Variants in PARD3B observed in about 807,000 individuals in gnomAD.
PARD3B encodes par-3 family cell polarity regulator beta.
In PARD3B, 103 loss-of-function variants were observed where a neutral mutation model predicts 130.2. The ratio of observed to expected loss-of-function variants is 0.79; its 90% CI spans 0.67 to 0.93. PARD3B has a LOEUF of 0.93. PARD3B is among the 40% of genes least tolerant of loss of function. The pLI, the probability that PARD3B is intolerant of heterozygous loss-of-function variation, is 0.00. For missense variants in PARD3B, 1,609 were observed against 1,499.2 expected, an observed-to-expected ratio of 1.07 and a Z score of -1.21; for synonymous variants, 583 against 553.2, an observed-to-expected ratio of 1.05 and a Z score of -0.76.
chr2:204,587,600 C>T (rs760765036), intron 1 of PARD3B, among the ~76,000 whole-genome samples: 5 of 152,184 alleles, frequency 3.3e-5, no homozygotes, highest in African/African-American at 4.8e-5. Context: ...TGTAAAATCT[C>T]GAATTACTGA....
At position 205,552,367 on chromosome 2, in the gene PARD3B, T is replaced by TAAAGA. The variant is rs374261866; in HGVS notation, c.3181-954_3181-950dup. ...GTTGATTGTCAGCAACCCTTGTTAG[T>TAAAGA]AAAGAAAGGTTTTATAGAAAAGGTG... On this transcript the variant is annotated intron_variant, in intron 21 of 22. Coordinates refer to ENST00000406610, the MANE Select transcript of PARD3B (RefSeq NM_001302769.2). Among the ~76,000 whole-genome samples the TAAAGA allele has an allele frequency of 1.6e-3, 249 of 152,258 alleles. 3 individuals are homozygous for TAAAGA. Among genetic ancestry groups the TAAAGA allele is most frequent in the African/African-American group, 5.7e-3 (236 of 41,568 alleles).
intron 2 of PARD3B, among the ~76,000 whole-genome samples, chr2:204,774,259 T>A (rs991983916): frequency 2.0e-5 from 3 of 152,078 alleles, no homozygotes; most frequent in Non-Finnish European, 4.4e-5. Context: ...TGTATTTCTT[T>A]ACTGTCTTCC....
rs1197053337 is a variant in PARD3B, at chr2:205,292,947, T to C, written c.2186-7583T>C. On this transcript the variant is annotated intron_variant, in intron 16 of 22. Coordinates refer to ENST00000406610, the MANE Select transcript of PARD3B (RefSeq NM_001302769.2). This position sits in a 1 kb window ranked among gnomAD's most constrained non-coding sequence, Gnocchi z 5.3. ...TTGGCTTGACATTTTAACATTAGAT[T>C]GAAACCTTGCTTAAAGTGTATTTAT... 6.6e-6 allele frequency among the ~76,000 whole-genome samples: 1 copy of C among 152,202 alleles called. No individual in the cohort carries two copies. The highest frequency in any genetic ancestry group is 2.1e-4 in the South Asian group (1 of 4,834).
intron 16 of PARD3B, among the ~76,000 whole-genome samples, chr2:205,264,037 A>G (rs921795534): frequency 3.3e-5 from 5 of 151,040 alleles, no homozygotes; most frequent in African/African-American, 9.7e-5. Context: ...TTATATTTGT[A>G]AACAAGAGAC....
rs551863310 is a variant in PARD3B, at chr2:205,449,446, G to C, written c.3044+8774G>C. ...GGGTTTCATCGTGTTGGCCAGGCTG[G>C]TCTCGAACTCCTGACCTCAGGTGAT... On this transcript the variant is annotated intron_variant, in intron 20 of 22. Coordinates refer to ENST00000406610, the MANE Select transcript of PARD3B (RefSeq NM_001302769.2). Among the ~76,000 whole-genome samples the C allele has an allele frequency of 2.6e-5, 4 of 152,020 alleles. No homozygotes were observed. The East Asian group carries it at 5.9e-4, about 22-fold the overall frequency.
intron 4 of PARD3B, among the ~76,000 whole-genome samples, chr2:205,092,477 G>A (rs1387679711): frequency 6.6e-6 from 1 of 152,114 alleles, no homozygotes; most frequent in African/African-American, 2.4e-5. Flanking sequence ...GAGTTTCAGG[G>A]CATCCTAGGA....
chr2:204,888,912 A>G (rs1416101468), intron 2 of PARD3B, among the ~76,000 whole-genome samples: 1 of 152,132 alleles, frequency 6.6e-6, no homozygotes, highest in African/African-American at 2.4e-5. Context: ...AATTGTATAT[A>G]AGCTAAAGAA....
intron 15 of PARD3B, among the ~76,000 whole-genome samples, chr2:205,200,103 A>G (rs1436162298): frequency 6.6e-6 from 1 of 152,128 alleles, no homozygotes; most frequent in Admixed American, 6.6e-5. Flanking sequence ...GGTTATGTTG[A>G]TGTTTATAAA....
chr2:205,401,633 G>A (rs190285197), intron 19 of PARD3B, among the ~76,000 whole-genome samples: 11 of 152,238 alleles, frequency 7.2e-5, no homozygotes, highest in African/African-American at 2.4e-4. Flanking sequence ...TTAAAGGGCC[G>A]GCTTCATTTG....
intron 3 of PARD3B, among the ~76,000 whole-genome samples, chr2:205,010,031 C>G (rs1290171291): frequency 6.6e-6 from 1 of 152,066 alleles, no homozygotes; most frequent in Non-Finnish European, 1.5e-5. Context: ...GGTGCTCTCT[C>G]TCATATTTGA....
intron 11 of PARD3B, among the ~76,000 whole-genome samples, chr2:205,170,991 G>A (rs193180257): frequency 5.3e-4 from 80 of 152,208 alleles, no homozygotes; most frequent in East Asian, 3.1e-3. Context: ...ACTCACTTTC[G>A]TGGCCTGGAA....
rs201298629 is a variant in PARD3B, at chr2:204,641,446, C to CT, written c.121-44725dup. On this transcript the variant is annotated intron_variant, in intron 1 of 22. Coordinates refer to ENST00000406610, the MANE Select transcript of PARD3B (RefSeq NM_001302769.2). The stretch of plus-strand genomic sequence containing the variant: ...GTACTTATGTTGAAAAGTACTTGGT[C>CT]TTTTTTTTTTAATCCTGCTTTTTGC... Among the ~76,000 whole-genome samples the CT allele has an allele frequency of 6.8e-4, 96 of 141,718 alleles. No individual in the cohort carries two copies. In the East Asian group the frequency reaches 0.018, roughly 26 times the overall value. 93.0% of individuals were successfully genotyped at this position (141,718 alleles called of 152,430 possible).
chr2:204,892,085 TA>T, intron 2 of PARD3B, among the ~76,000 whole-genome samples: 1 of 152,198 alleles, frequency 6.6e-6, no homozygotes. Flanking sequence ...GATAAGTAGA[TA>T]GGGGGAGCCA....
intron 22 of PARD3B, among the ~76,000 whole-genome samples, chr2:205,594,630 G>A (rs2054505315): frequency 6.6e-6 from 1 of 152,132 alleles, no homozygotes; most frequent in African/African-American, 2.4e-5. Context: ...TCCAAGGAAG[G>A]CAAGTCCTGA....
At chr2:205,154,768 C>G (rs2034001178) in intron 10 of PARD3B, among the ~76,000 whole-genome samples, 1 of 152,110 alleles carries the variant, frequency 6.6e-6, no homozygotes, top group Non-Finnish European at 1.5e-5. Context: ...AAGCTGGAAA[C>G]CATCATTCTG....
rs776912855 is a variant in PARD3B at position 205,553,416 on chromosome 2, G to A, written c.3260+13G>A. 1.9e-6 allele frequency: 3 copies of A among 1,610,912 alleles called. No homozygotes were observed. The highest frequency in any genetic ancestry group is 2.2e-5 in the South Asian group (2 of 90,972). The stretch of plus-strand genomic sequence containing the variant: ...CATCCTTACCCAGGTAGATCACGGA[G>A]AGGTCTCCCATCTCCAGCTCACCTA... On this transcript the variant is annotated intron_variant, in intron 22 of 22. Coordinates refer to ENST00000406610, the MANE Select transcript of PARD3B (RefSeq NM_001302769.2).
chr2:204,789,896 A>T (rs2042141419), intron 2 of PARD3B, among the ~76,000 whole-genome samples: 1 of 146,672 alleles, frequency 6.8e-6, no homozygotes. Context: ...TTTAAGACAG[A>T]GTCTTGCTCT....
intron 19 of PARD3B, among the ~76,000 whole-genome samples, chr2:205,417,585 C>T (rs930012155): frequency 6.6e-6 from 1 of 152,184 alleles, no homozygotes; most frequent in African/African-American, 2.4e-5. Context: ...GGAGGAATAC[C>T]TGAGAGATCA....
intron 15 of PARD3B, among the ~76,000 whole-genome samples, chr2:205,213,981 A>G (rs1286593935): frequency 6.6e-6 from 1 of 152,134 alleles, no homozygotes; most frequent in Non-Finnish European, 1.5e-5. Flanking sequence ...GCACCACAAG[A>G]GAGGGTAAAT....
Sources: gnomAD v4.1 joint callset for allele counts (sites outside exome capture counted in the v4.1 genomes callset) on GRCh38, gnomAD v4.1.1 for gene constraint, Gnocchi (gnomAD v3.1) non-coding constraint, MANE v1.5 for transcripts, NCBI Gene and HGNC (gene_info 2026-07-23, HGNC 2026-07-21) for gene names.